TM7SF3: variants seen among roughly 807,000 people sequenced by gnomAD.
TM7SF3 encodes transmembrane 7 superfamily member 3.
A neutral mutation model predicts 65.5 loss-of-function variants in TM7SF3; 60 were observed. That is an observed-to-expected ratio of 0.92 (90% confidence interval 0.74 to 1.14). The LOEUF (loss-of-function observed/expected upper bound fraction) is 1.14, where lower values mean the gene tolerates loss of function less well. Among genes scored for constraint, TM7SF3 ranks in the 50% most tolerant of loss-of-function variants. The pLI, the probability that TM7SF3 is intolerant of heterozygous loss-of-function variation, is 0.00. For synonymous variants in TM7SF3, 264 were observed against 259.6 expected (o/e 1.02, Z -0.16); for missense variants, 623 against 684.8 (o/e 0.91, Z 1.01).
chr12:27,006,525 T>C (rs983403312), intron 1 of TM7SF3, among the ~76,000 whole-genome samples: 7 of 152,228 alleles, frequency 4.6e-5, no homozygotes, highest in African/African-American at 1.7e-4. Context: ...ATTCTGTCAC[T>C]GTTTTGCTTT....
intron 1 of TM7SF3, among the ~76,000 whole-genome samples, chr12:27,007,536 A>AT (rs1243043683): frequency 1.3e-5 from 2 of 151,268 alleles, no homozygotes; most frequent in African/African-American, 2.4e-5. Context: ...GAGGGGATTA[A>AT]AAAAAAAACA....
At chr12:26,980,197 G>C (rs1939756715) in intron 8 of TM7SF3, 1 of 571,002 alleles carries the variant, frequency 1.8e-6, no homozygotes, top group Non-Finnish European at 3.1e-6. Flanking sequence ...GATTGAGAAG[G>C]AAAAGTTGAC....
At chr12:27,009,535 T>TA (rs140066805) in intron 1 of TM7SF3, among the ~76,000 whole-genome samples, 2,111 of 152,322 alleles carry the variant, frequency 0.014, 58 homozygotes, top group African/African-American at 0.048. Context: ...GAGGCTATTT[T>TA]AAATGTACTT....
At chr12:27,002,104 G>A (rs1940855154) in intron 2 of TM7SF3, among the ~76,000 whole-genome samples, 1 of 152,102 alleles carries the variant, frequency 6.6e-6, no homozygotes, top group African/African-American at 2.4e-5. Flanking sequence ...TCTATGGTAG[G>A]GGAAAGAAGG....
intron 1 of TM7SF3, among the ~76,000 whole-genome samples, chr12:27,007,727 T>C (rs1015523821): frequency 2.6e-5 from 4 of 152,200 alleles, no homozygotes; most frequent in African/African-American, 9.7e-5. Flanking sequence ...GGTCCCCCTG[T>C]GGCCCCTCCC....
intron 1 of TM7SF3, among the ~76,000 whole-genome samples, chr12:27,004,992 G>C (rs1326720000): frequency 6.6e-6 from 1 of 152,102 alleles, no homozygotes; most frequent in African/African-American, 2.4e-5. Context: ...TTGTGTGCAC[G>C]TGTTTTTTCT....
chr12:27,003,298 C>T lies in TM7SF3; in HGVS notation c.184G>A (p.Val62Met). Residue 62 changes from valine to methionine, a missense_variant, in exon 2 of 12, where the codon GTG becomes ATG. Coordinates refer to ENST00000343028, the MANE Select transcript of TM7SF3 (RefSeq NM_016551.3). Reference sequence around the variant, plus strand: ...TGTATTTGGAAAATAAGAAAAGTCACATTGCTTGAAATATCATGCAAAATA... The same window carrying T: ...TGTATTTGGAAAATAAGAAAAGTCATATTGCTTGAAATATCATGCAAAATA... ...EAILHDISSN[V>M]TFLIFQIHSQ... The T allele has an allele frequency of 6.2e-7, 1 of 1,613,104 alleles. No individual in the cohort carries two copies. The highest frequency in any genetic ancestry group is 8.5e-7 in the Non-Finnish European group (1 of 1,179,248).
intron 10 of TM7SF3, chr12:26,975,892 C>T: frequency 1.9e-6 from 1 of 538,610 alleles, no homozygotes. Context: ...TGGAAAATAT[C>T]TTCCATATGA....
At chr12:27,001,052 T>A (rs1940811604) in intron 2 of TM7SF3, among the ~76,000 whole-genome samples, 1 of 152,200 alleles carries the variant, frequency 6.6e-6, no homozygotes, top group South Asian at 2.1e-4. Context: ...GACTCAAATA[T>A]TAATTGATAA....
chr12:27,007,028 T>C (rs75404929), intron 1 of TM7SF3, among the ~76,000 whole-genome samples: 1,761 of 152,346 alleles, frequency 0.012, 41 homozygotes, highest in African/African-American at 0.04. Flanking sequence ...TGACCTTAAA[T>C]GGTTAAACTG....
In TM7SF3 at chr12:26,979,947, A is replaced by G. The variant is rs1409110818; in HGVS notation, c.1037-11T>C. On this transcript the variant is annotated splice_polypyrimidine_tract_variant and intron_variant, in intron 8 of 11. Transcript: ENST00000343028. ...TCAGAATCAGATTCACTGTACAAAG[A>G]GAGAGGATGAACTGCTGGATAACCG... 2 of 1,614,050 alleles carry G rather than the reference A, an allele frequency of 1.2e-6. No individual in the cohort carries two copies. Among genetic ancestry groups the G allele is most frequent in the East Asian group, 2.2e-5 (1 of 44,878 alleles).
chr12:26,996,617 T>A (rs972900382), intron 4 of TM7SF3, 125 bp downstream of exon 4: 2 of 946,744 alleles, frequency 2.1e-6, no homozygotes, highest in East Asian at 5.6e-5. Flanking sequence ...ATTACATCAA[T>A]TCCCCCCAAA....
chr12:26,973,912 C>T lies in TM7SF3; in HGVS notation c.*53G>A. The stretch of plus-strand genomic sequence containing the variant: ...AGACTTGCACCAGAGACTGTTGAAC[C>T]ACTCCAGGCATGAACTCCAAAGCTG... On this transcript the variant is annotated 3_prime_UTR_variant, in exon 12 of 12. Coordinates refer to ENST00000343028, the MANE Select transcript of TM7SF3 (RefSeq NM_016551.3). 1 of 1,583,516 alleles carries T rather than the reference C, an allele frequency of 6.3e-7. No individual in the cohort carries two copies.
intron 6 of TM7SF3, among the ~76,000 whole-genome samples, chr12:26,984,059 A>G (rs146678274): frequency 1.2e-4 from 18 of 152,338 alleles, no homozygotes; most frequent in Non-Finnish European, 2.2e-4. Context: ...AATAAGAAAC[A>G]CAGACAGAAG....
chr12:27,005,725 A>G (rs1258113495), intron 1 of TM7SF3, among the ~76,000 whole-genome samples: 7 of 152,200 alleles, frequency 4.6e-5, no homozygotes, highest in African/African-American at 1.7e-4. Flanking sequence ...ACTAAAATAC[A>G]TTGTTAAACA....
At chr12:26,977,850 C>T in intron 9 of TM7SF3, 1 of 277,504 alleles carries the variant, frequency 3.6e-6, no homozygotes, top group South Asian at 3.2e-5. Flanking sequence ...AGCCTGTAAT[C>T]CCAACACTTT....
chr12:26,989,792 C>A (rs946612656), intron 6 of TM7SF3, among the ~76,000 whole-genome samples: 1 of 152,154 alleles, frequency 6.6e-6, no homozygotes, highest in Non-Finnish European at 1.5e-5. Context: ...CTCTTGCCTC[C>A]GTCTTTTCTC....
chr12:27,000,000 C>T (rs1448977703), intron 2 of TM7SF3, among the ~76,000 whole-genome samples: 1 of 152,170 alleles, frequency 6.6e-6, no homozygotes, highest in East Asian at 1.9e-4. Flanking sequence ...CCAACACAGT[C>T]GGGTTCTGAT....
rs1289952831 is a variant in TM7SF3 at position 26,990,581 on chromosome 12, G to C, written c.737C>G (p.Ser246Cys). ...GTATATGACACCTTGTCCCGGGAGG[G>C]AGGAGAAGGAAACACTTGTCTTATC... is the stretch of plus-strand genomic sequence containing the variant. The part of the protein sequence containing the change: ...ANDKTSVSFS[S>C]LPGQGVIYNV... Residue 246 changes from serine to cysteine, a missense_variant, in exon 6 of 12, where the codon TCC becomes TGC. By Grantham distance (112) the Ser-to-Cys change is moderately radical. Transcript: ENST00000343028. 1 of 1,614,100 alleles carries C rather than the reference G, an allele frequency of 6.2e-7. No individual in the cohort carries two copies. The highest frequency in any genetic ancestry group is 8.5e-7 in the Non-Finnish European group (1 of 1,179,956).
Sources: gnomAD v4.1 joint callset for allele counts (sites outside exome capture counted in the v4.1 genomes callset) on GRCh38, gnomAD v4.1.1 for gene constraint, MANE v1.5 for transcripts, NCBI Gene and HGNC (gene_info 2026-07-23, HGNC 2026-07-21) for gene names.